NXPE2: variants seen among roughly 807,000 people sequenced by gnomAD.
NXPE2 encodes neurexophilin and PC-esterase domain family member 2, also known as NXPE family member 2.
NXPE2 carries 34 observed loss-of-function variants against 34.4 expected under a neutral mutation model. The ratio of observed to expected loss-of-function variants is 0.99; its 90% CI spans 0.75 to 1.31. The LOEUF (loss-of-function observed/expected upper bound fraction) is 1.31. Among genes scored for constraint, NXPE2 ranks in the 40% most tolerant of loss-of-function variants. NXPE2 has a pLI of 0.00. For synonymous variants in NXPE2, 235 were observed against 231.3 expected, an observed-to-expected ratio of 1.02 and a Z score of -0.15; for missense variants, 649 against 672.5, an observed-to-expected ratio of 0.97 and a Z score of 0.39.
At chr11:114,552,822 A>C in the NXPE2 span, 2 of 923,944 alleles carry the variant, frequency 2.2e-6, no homozygotes, top group Non-Finnish European at 2.6e-6. Context: ...TAGATCTTTA[A>C]ACTTATTCTG....
At chr11:114,513,252 C>T in the NXPE2 span, 1 of 521,426 alleles carries the variant, frequency 1.9e-6, no homozygotes. Flanking sequence ...AGGATGGTGG[C>T]TGTGCTGTGT....
chr11:114,769,851 A>T, the NXPE2 span, among the ~76,000 whole-genome samples: 1 of 152,152 alleles, frequency 6.6e-6, no homozygotes, highest in Non-Finnish European at 1.5e-5. Flanking sequence ...TAGGAGAAAT[A>T]CCTATGGTAG....
chr11:114,769,769 C>T, the NXPE2 span, among the ~76,000 whole-genome samples: 9 of 150,720 alleles, frequency 6.0e-5, no homozygotes, highest in Non-Finnish European at 1.0e-4. Context: ...ACAAGGAAAA[C>T]ACATGGACAC....
chr11:114,714,123 T>C, the NXPE2 span, among the ~76,000 whole-genome samples: 1 of 152,256 alleles, frequency 6.6e-6, no homozygotes, highest in East Asian at 1.9e-4. Flanking sequence ...CTGACTTACT[T>C]CTGATTTAGC....
At chr11:114,776,283 G>T in the NXPE2 span, among the ~76,000 whole-genome samples, 1 of 152,230 alleles carries the variant, frequency 6.6e-6, no homozygotes, top group Non-Finnish European at 1.5e-5. Context: ...ACAACCTGCG[G>T]GTTGCTATTT....
At chr11:114,580,297 T>C in the NXPE2 span, 2 of 1,614,090 alleles carry the variant, frequency 1.2e-6, no homozygotes, top group Non-Finnish European at 1.7e-6. Context: ...ATTGTGGATG[T>C]CATTCCAAAC....
chr11:114,533,839 T>C, the NXPE2 span, among the ~76,000 whole-genome samples: 1 of 152,326 alleles, frequency 6.6e-6, no homozygotes, highest in African/African-American at 2.4e-5. Flanking sequence ...TGCCTGCCTC[T>C]TTAGGCTCCA....
At chr11:114,487,232 G>A in the NXPE2 span, among the ~76,000 whole-genome samples, 2 of 151,880 alleles carry the variant, frequency 1.3e-5, no homozygotes, top group African/African-American at 4.8e-5. Context: ...TTTATTCCTA[G>A]GTATTTAATT....
the NXPE2 span, among the ~76,000 whole-genome samples, chr11:114,631,886 GATA>G: frequency 6.6e-6 from 1 of 150,828 alleles, no homozygotes; most frequent in Non-Finnish European, 1.5e-5. Context: ...TTACCCAGTG[GATA>G]ATAAGTATTG....
At chr11:114,655,262 C>T in the NXPE2 span, among the ~76,000 whole-genome samples, 1 of 152,102 alleles carries the variant, frequency 6.6e-6, no homozygotes, top group African/African-American at 2.4e-5. Context: ...AATTTTCTCC[C>T]ATTCTGTAGG....
the NXPE2 span, among the ~76,000 whole-genome samples, chr11:114,568,297 C>A: frequency 6.6e-6 from 1 of 152,142 alleles, no homozygotes; most frequent in South Asian, 2.1e-4. Context: ...TTTGCAAGAT[C>A]TTCAATACCT....
At chr11:114,626,665 G>C in the NXPE2 span, among the ~76,000 whole-genome samples, 1 of 152,198 alleles carries the variant, frequency 6.6e-6, no homozygotes, top group Non-Finnish European at 1.5e-5. Flanking sequence ...GAACAAAGCT[G>C]GACGGAGAAT....
the NXPE2 span, among the ~76,000 whole-genome samples, chr11:114,640,543 C>T: frequency 6.6e-6 from 1 of 151,746 alleles, no homozygotes; most frequent in Non-Finnish European, 1.5e-5. Context: ...ACTATTTACA[C>T]AGAGGTTGTA....
In NXPE2 at chr11:114,698,598, C is replaced by A. The variant is rs4631912; in HGVS notation, c.686C>A (p.Thr229Asn). Residue 229 changes from threonine to asparagine, a missense_variant, in exon 3 of 6, where the codon ACT (threonine) becomes AAT (asparagine). Transcript: ENST00000389586. ...LFANRSSNVFTECGLTLNTNA... is the reference protein window; with the variant it reads ...LFANRSSNVFNECGLTLNTNA... ...GCCAACAGAAGCTCCAATGTCTTCA[C>A]TGAATGTGGCCTGACCCTAAACACA... is the stretch of plus-strand genomic sequence containing the variant. 11 of 1,614,068 alleles carry A rather than the reference C, an allele frequency of 6.8e-6. No individual in the cohort carries two copies. The African/African-American group carries it at 1.5e-4, about 22-fold the overall frequency.
the NXPE2 span, among the ~76,000 whole-genome samples, chr11:114,659,844 T>G: frequency 6.6e-6 from 1 of 151,952 alleles, no homozygotes; most frequent in African/African-American, 2.4e-5. Context: ...TCAATGAAAT[T>G]AAAAACAGAA....
chr11:114,772,717 G>A, the NXPE2 span, among the ~76,000 whole-genome samples: 3 of 152,128 alleles, frequency 2.0e-5, no homozygotes, highest in African/African-American at 7.2e-5. Flanking sequence ...GTACCCCTAC[G>A]TTTTGTCCCT....
chr11:114,527,524 T>G, the NXPE2 span, among the ~76,000 whole-genome samples: 291 of 152,260 alleles, frequency 1.9e-3, no homozygotes, highest in African/African-American at 6.8e-3. Context: ...AAACCGAAAG[T>G]GTTCCTATTC....
At chr11:114,539,056 T>G in the NXPE2 span, among the ~76,000 whole-genome samples, 1 of 152,160 alleles carries the variant, frequency 6.6e-6, no homozygotes, top group African/African-American at 2.4e-5. Flanking sequence ...AATGATAGAC[T>G]GGATTAAGAA....
chr11:114,720,895 G>C, the NXPE2 span, among the ~76,000 whole-genome samples: 1 of 152,156 alleles, frequency 6.6e-6, no homozygotes, highest in Non-Finnish European at 1.5e-5. Flanking sequence ...CTGATAAAGA[G>C]CTTCTTATTC....
Sources: allele counts gnomAD v4.1 joint callset (sites outside exome capture counted in the v4.1 genomes callset), GRCh38; gene constraint gnomAD v4.1.1; transcripts MANE v1.5; gene names NCBI Gene and HGNC (gene_info 2026-07-23, HGNC 2026-07-21).